Variants in ZDHHC1 observed in about 807,000 individuals in gnomAD.
ZDHHC1 encodes the protein palmitoyltransferase ZDHHC1.
In ZDHHC1, 45 loss-of-function variants were observed where a neutral mutation model predicts 46.9. The ratio of observed to expected loss-of-function variants is 0.96; its 90% CI spans 0.76 to 1.23. The LOEUF (loss-of-function observed/expected upper bound fraction) is 1.23. ZDHHC1 is among the 50% of genes most tolerant of loss of function. The probability of loss-of-function intolerance (pLI) is 0.00; values close to 1 mark genes in which losing one functional copy is unlikely to be tolerated. For missense variants in ZDHHC1, 649 were observed against 670.8 expected, an observed-to-expected ratio of 0.97 and a Z score of 0.36; for synonymous variants, 291 against 286.0, an observed-to-expected ratio of 1.02 and a Z score of -0.18.
chr16:67,404,485 C>T, intron 3 of ZDHHC1: 1 of 327,174 alleles, frequency 3.1e-6, no homozygotes, highest in Non-Finnish European at 6.1e-6. Flanking sequence ...CTGAGAGAGC[C>T]TGCAGAAAGA....
At position 67,401,244 on chromosome 16, in the gene ZDHHC1, C is replaced by G; in HGVS notation, c.253-112G>C. ...TGCCAGCCCGCTTTGTGCAGATTCT[C>G]TGCCTCTGCCACCTCCTACCTCCAG... On this transcript the variant is annotated intron_variant, in intron 3 of 11. Coordinates refer to ENST00000565726, the MANE Select transcript of ZDHHC1 (RefSeq NM_001323627.2). This position sits in a 1 kb window ranked among gnomAD's most constrained non-coding sequence, Gnocchi z 4.6. 1 of 1,417,178 alleles carries G rather than the reference C, an allele frequency of 7.1e-7. No homozygotes were observed. The highest frequency in any genetic ancestry group is 2.2e-5 in the Admixed American group (1 of 44,856). The allele number at this position is 1,417,178 out of a possible 1,614,324, so 87.8% of individuals were successfully genotyped here.
At chr16:67,409,008 T>C (rs536936240) in intron 1 of ZDHHC1, among the ~76,000 whole-genome samples, 1 of 152,158 alleles carries the variant, frequency 6.6e-6, no homozygotes, top group Non-Finnish European at 1.5e-5. Flanking sequence ...TGGCTCTCCT[T>C]TTGCCATCCC....
chr16:67,395,498 T>C lies in ZDHHC1; in HGVS notation c.996A>G (p.Ala332=). ...RPEPPGQAGP[A]AVNANPSQFL... The stretch of plus-strand genomic sequence containing the variant: ...GTTGCACTCACTTGGCATTCACTGC[T>C]GCTGGCCCGGCCTGGCCAGGGGGCT... The change falls in exon 9 of 12, where the codon GCA becomes GCG. Residue 332 remains alanine (A), a synonymous_variant. Transcript: ENST00000565726. The C allele has an allele frequency of 6.4e-7, 1 of 1,554,200 alleles. No individual in the cohort carries two copies. The highest frequency in any genetic ancestry group is 8.7e-7 in the Non-Finnish European group (1 of 1,148,282).
rs541243929 is a variant in ZDHHC1, at chr16:67,398,801, G to C, written c.655+19C>G. On this transcript the variant is annotated intron_variant, in intron 6 of 11. Transcript: ENST00000565726. ...TGACCAGGGTTGGGGGTGAGAATAG[G>C]CCCGGAGCCTAAACTGACCTTCAAA... The C allele has an allele frequency of 3.1e-6, 5 of 1,612,522 alleles. No individual in the cohort carries two copies. The South Asian group carries it at 5.5e-5, about 18-fold the overall frequency.
At position 67,401,766 on chromosome 16, in the gene ZDHHC1, T is replaced by C. The variant is rs572777528; in HGVS notation, c.253-634A>G. Among the ~76,000 whole-genome samples, 1 of 152,350 alleles carries C rather than the reference T, an allele frequency of 6.6e-6. No homozygotes were observed. Among genetic ancestry groups the C allele is most frequent in the East Asian group, 1.9e-4 (1 of 5,184 alleles). On this transcript the variant is annotated intron_variant, in intron 3 of 11. Coordinates refer to ENST00000565726, the MANE Select transcript of ZDHHC1 (RefSeq NM_001323627.2). This position sits in a 1 kb window ranked among gnomAD's most constrained non-coding sequence, Gnocchi z 4.6. ...GGCCAGGGACAGCATGGCTAGTCTC[T>C]GAAGCTGAAACAGCTCTTCCAGGAT...
chr16:67,410,060 T>A (rs1597549055), intron 1 of ZDHHC1, among the ~76,000 whole-genome samples: 1 of 151,862 alleles, frequency 6.6e-6, no homozygotes, highest in African/African-American at 2.4e-5. Context: ...GTTGCGGGGC[T>A]CAGATCACAG....
At chr16:67,409,407 G>A (rs1232106534) in intron 1 of ZDHHC1, among the ~76,000 whole-genome samples, 1 of 152,212 alleles carries the variant, frequency 6.6e-6, no homozygotes, top group African/African-American at 2.4e-5. Context: ...CAGGAAGGGA[G>A]CACTTGTCTG....
intron 3 of ZDHHC1, among the ~76,000 whole-genome samples, chr16:67,405,696 G>C (rs1301031102): frequency 1.3e-5 from 2 of 152,198 alleles, no homozygotes; most frequent in Non-Finnish European, 2.9e-5. Context: ...AAAAGGGTCT[G>C]ATGTACAGAA....
rs560735078 is a variant in ZDHHC1, at chr16:67,411,759, T to A, written c.-38-3946A>T. Reference sequence around the variant, plus strand: ...AAAAAAGGGATGAAGTAATCTTTGATACACAATTAAGTGAAAAAGCAAGAT... The same window carrying A: ...AAAAAAGGGATGAAGTAATCTTTGAAACACAATTAAGTGAAAAAGCAAGAT... On this transcript the variant is annotated intron_variant, in intron 1 of 11. Transcript: ENST00000565726. Among the ~76,000 whole-genome samples the A allele has an allele frequency of 5.9e-5, 9 of 152,314 alleles. No individual in the cohort carries two copies. The East Asian group carries it at 1.5e-3, about 26-fold the overall frequency.
chr16:67,401,166 GC>G lies in ZDHHC1; in HGVS notation c.253-35del. 1 of 1,607,760 alleles carries G rather than the reference GC, an allele frequency of 6.2e-7. No individual in the cohort carries two copies. The highest frequency in any genetic ancestry group is 1.3e-5 in the African/African-American group (1 of 74,952). On this transcript the variant is annotated intron_variant, in intron 3 of 11. Transcript: ENST00000565726. This position sits in a 1 kb window ranked among gnomAD's most constrained non-coding sequence, Gnocchi z 4.6. ...GCAGGTTAAAGACTCACTCCACTCT[GC>G]CGGCTGGGAGTCCTGCCCCGTTCCT...
In ZDHHC1 at chr16:67,406,136, G is replaced by T. The variant is rs772323214; in HGVS notation, c.252+64C>A. On this transcript the variant is annotated intron_variant, in intron 3 of 11. Coordinates refer to ENST00000565726, the MANE Select transcript of ZDHHC1 (RefSeq NM_001323627.2). The surrounding 1 kb of genome is among the most constrained non-coding windows in gnomAD (Gnocchi z 4.1). ...GCTCTCAACCCGGCTTTGGGCCTCC[G>T]CTGTGCCAGCCATCCTTTGCCTCCC... The T allele has an allele frequency of 1.3e-6, 2 of 1,556,306 alleles. No homozygotes were observed. Among genetic ancestry groups the T allele is most frequent in the Non-Finnish European group, 1.7e-6 (2 of 1,148,940 alleles).
Position 67,398,812 on chromosome 16 carries a change from A to G in ZDHHC1, c.655+8T>C. On this transcript the variant is annotated splice_region_variant and intron_variant, in intron 6 of 11. Transcript: ENST00000565726. Reference sequence around the variant, plus strand: ...GGGGGTGAGAATAGGCCCGGAGCCTAAACTGACCTTCAAAGTGTCGGTTGG... The same window carrying G: ...GGGGGTGAGAATAGGCCCGGAGCCTGAACTGACCTTCAAAGTGTCGGTTGG... 1 of 1,612,620 alleles carries G rather than the reference A, an allele frequency of 6.2e-7. No homozygotes were observed. The highest frequency in any genetic ancestry group is 8.5e-7 in the Non-Finnish European group (1 of 1,179,458).
In ZDHHC1 at chr16:67,409,070, C is replaced by T. The variant is rs78249417; in HGVS notation, c.-38-1257G>A. On this transcript the variant is annotated intron_variant, in intron 1 of 11. Transcript: ENST00000565726. ...AGGAGTTTCCAAAGAGCAAAACAGA[C>T]GCATGCAGCTGATCTGGCCCCACTG... Among the ~76,000 whole-genome samples the T allele has an allele frequency of 1.8e-4, 27 of 152,286 alleles. No homozygotes were observed. In the East Asian group the frequency reaches 4.2e-3, roughly 24 times the overall value.
intron 5 of ZDHHC1, 98 bp from the exon 6 acceptor site, chr16:67,399,042 G>T: frequency 6.8e-7 from 1 of 1,463,826 alleles, no homozygotes; most frequent in Admixed American, 2.6e-5. Context: ...GGGCTCAGAG[G>T]GCTGAGGGTG....
intron 2 of ZDHHC1, among the ~76,000 whole-genome samples, chr16:67,407,120 G>C (rs1317642275): frequency 6.6e-6 from 1 of 152,238 alleles, no homozygotes; most frequent in Non-Finnish European, 1.5e-5. Context: ...CTGGTGTACA[G>C]TTTTGTACAG....
Position 67,406,315 on chromosome 16 carries a change from C to T in ZDHHC1, c.137G>A (p.Trp46Ter). The T allele has an allele frequency of 6.2e-7, 1 of 1,605,586 alleles. No homozygotes were observed. Residue 46 changes from tryptophan to a stop codon, truncating the protein, a stop_gained, in exon 3 of 12, where the codon TGG becomes TAG. Coordinates refer to ENST00000565726, the MANE Select transcript of ZDHHC1 (RefSeq NM_001323627.2). LOFTEE classifies it high-confidence loss of function. The surrounding 1 kb of genome is among the most constrained non-coding windows in gnomAD (Gnocchi z 4.1). Reference sequence around the variant, plus strand: ...CACAATCTGGAGCGGGTGAGGGGGCCAGCTCCACCCATTCCGGCGGGATCG... The same window carrying T: ...CACAATCTGGAGCGGGTGAGGGGGCTAGCTCCACCCATTCCGGCGGGATCG... ...GQRSRRNGWSWPPHPLQIVAW... is the reference protein window; with the variant it reads ...GQRSRRNGWS
intron 1 of ZDHHC1, among the ~76,000 whole-genome samples, chr16:67,415,256 G>C (rs1013517496): frequency 6.6e-6 from 1 of 151,948 alleles, no homozygotes; most frequent in Admixed American, 6.5e-5. Flanking sequence ...CCAGGAGCTC[G>C]AGACCAGCCT....
chr16:67,408,261 G>A (rs1405932492), intron 1 of ZDHHC1, among the ~76,000 whole-genome samples: 1 of 151,978 alleles, frequency 6.6e-6, no homozygotes, highest in Non-Finnish European at 1.5e-5. Context: ...GACCTCCTGG[G>A]CTCAAGTGAT....
chr16:67,395,180 C>G lies in ZDHHC1; in HGVS notation c.1104+7G>C. Reference sequence around the variant, plus strand: ...CTGGACCGGAGGCCCAGCACAGTCCCTCCTACCTGGGGTCGGATCCGGGGA... The same window carrying G: ...CTGGACCGGAGGCCCAGCACAGTCCGTCCTACCTGGGGTCGGATCCGGGGA... On this transcript the variant is annotated splice_region_variant and intron_variant, in intron 10 of 11. Coordinates refer to ENST00000565726, the MANE Select transcript of ZDHHC1 (RefSeq NM_001323627.2). 1.2e-6 allele frequency: 2 copies of G among 1,612,874 alleles called. No individual in the cohort carries two copies. Among genetic ancestry groups the G allele is most frequent in the South Asian group, 1.1e-5 (1 of 91,016 alleles).
Sources: allele counts gnomAD v4.1 joint callset (sites outside exome capture counted in the v4.1 genomes callset), GRCh38; gene constraint gnomAD v4.1.1; non-coding constraint Gnocchi (gnomAD v3.1); transcripts MANE v1.5; gene names NCBI Gene and HGNC (gene_info 2026-07-23, HGNC 2026-07-21).